Variants in EXOC6B observed in about 807,000 individuals in gnomAD.
The protein encoded by EXOC6B is exocyst complex component 6B.
A neutral mutation model predicts 113.5 loss-of-function variants in EXOC6B; 54 were observed. That is an observed-to-expected ratio of 0.48 (90% CI 0.38 to 0.60). EXOC6B has a LOEUF of 0.60. EXOC6B is among the 20% of genes least tolerant of loss of function. EXOC6B has a pLI of 0.00. For missense variants in EXOC6B, 797 were observed against 977.5 expected (o/e 0.82, Z 2.46); for synonymous variants, 357 against 339.0 (o/e 1.05, Z -0.58).
At chr2:72,243,379 G>A (rs1171994339) in intron 20 of EXOC6B, among the ~76,000 whole-genome samples, 1 of 152,132 alleles carries the variant, frequency 6.6e-6, no homozygotes, top group Admixed American at 6.5e-5. Flanking sequence ...TTAAGAAAAT[G>A]TGGCACATAT....
intron 7 of EXOC6B, among the ~76,000 whole-genome samples, chr2:72,574,755 C>T (rs1254192601): frequency 6.6e-6 from 1 of 152,124 alleles, no homozygotes; most frequent in Non-Finnish European, 1.5e-5. Flanking sequence ...CTCCTAAACA[C>T]CACACTCACA....
chr2:72,240,680 C>A (rs1279317648), intron 20 of EXOC6B, among the ~76,000 whole-genome samples: 1 of 152,046 alleles, frequency 6.6e-6, no homozygotes. Context: ...AGGCACTTAC[C>A]AGACCTCTTA....
intron 6 of EXOC6B, among the ~76,000 whole-genome samples, chr2:72,586,624 T>C (rs967422926): frequency 6.6e-6 from 1 of 151,972 alleles, no homozygotes; most frequent in African/African-American, 2.4e-5. Flanking sequence ...TGGTGGCACA[T>C]GCCTGTAATC....
intron 6 of EXOC6B, among the ~76,000 whole-genome samples, chr2:72,631,231 C>T (rs1672372616): frequency 6.6e-6 from 1 of 150,982 alleles, no homozygotes; most frequent in African/African-American, 2.4e-5. Context: ...TGTGTGTGTA[C>T]ATATATGTAT....
At chr2:72,371,616 C>A (rs1691023798) in intron 19 of EXOC6B, among the ~76,000 whole-genome samples, 1 of 152,106 alleles carries the variant, frequency 6.6e-6, no homozygotes, top group Non-Finnish European at 1.5e-5. Flanking sequence ...TGCTGAAAAG[C>A]ATCTGATAAA....
intron 18 of EXOC6B, among the ~76,000 whole-genome samples, chr2:72,433,854 G>C (rs887768455): frequency 2.6e-5 from 4 of 152,002 alleles, no homozygotes; most frequent in African/African-American, 9.7e-5. Context: ...TGCAAACAAA[G>C]ACAATCTGAC....
intron 6 of EXOC6B, among the ~76,000 whole-genome samples, chr2:72,680,825 A>G (rs1676648627): frequency 6.6e-6 from 1 of 151,990 alleles, no homozygotes; most frequent in Non-Finnish European, 1.5e-5. Flanking sequence ...TTCCATCCCC[A>G]TTTCACCACA....
intron 6 of EXOC6B, among the ~76,000 whole-genome samples, chr2:72,620,512 T>TGTTAAA (rs1671681512): frequency 6.6e-6 from 1 of 151,486 alleles, no homozygotes; most frequent in African/African-American, 2.4e-5. Context: ...TAAATTTAAA[T>TGTTAAA]TTTAAATTTA....
intron 20 of EXOC6B, among the ~76,000 whole-genome samples, chr2:72,330,465 T>C (rs1250070521): frequency 6.6e-6 from 1 of 152,082 alleles, no homozygotes; most frequent in Non-Finnish European, 1.5e-5. Flanking sequence ...TAGATCCTAA[T>C]TAAACTAACA....
chr2:72,694,721 T>C (rs539908490), intron 6 of EXOC6B, among the ~76,000 whole-genome samples: 2 of 152,234 alleles, frequency 1.3e-5, no homozygotes, highest in Non-Finnish European at 2.9e-5. Context: ...GAATCTTGCA[T>C]GTTCCACAGG....
chr2:72,580,419 A>G (rs1286474916), intron 6 of EXOC6B, among the ~76,000 whole-genome samples: 1 of 152,156 alleles, frequency 6.6e-6, no homozygotes, highest in East Asian at 1.9e-4. Flanking sequence ...CTGGGATTAC[A>G]GGTGTGAGCC....
rs1003937369 is a variant in EXOC6B, at chr2:72,184,028, C to G, written c.2309+47G>C. 2.8e-6 allele frequency: 3 copies of G among 1,083,802 alleles called. No individual in the cohort carries two copies. In the African/African-American group the frequency reaches 4.7e-5, roughly 17 times the overall value. 67.1% of individuals were successfully genotyped at this position (1,083,802 alleles called of 1,614,324 possible). The stretch of plus-strand genomic sequence containing the variant: ...ATTATCTTCTACGCCAACCCCCAAT[C>G]CCTGTCTCCCCACCTCCCAACACAG... On this transcript the variant is annotated intron_variant, in intron 21 of 21. Transcript: ENST00000272427.
intron 2 of EXOC6B, among the ~76,000 whole-genome samples, chr2:72,741,092 A>G (rs1468223652): frequency 1.3e-5 from 2 of 151,622 alleles, no homozygotes; most frequent in African/African-American, 4.8e-5. Flanking sequence ...CGACAGAGCG[A>G]GACTCCGCCT....
chr2:72,214,839 T>G (rs1360407593), intron 20 of EXOC6B, among the ~76,000 whole-genome samples: 1 of 152,240 alleles, frequency 6.6e-6, no homozygotes, highest in Non-Finnish European at 1.5e-5. Flanking sequence ...GCTATGTTTT[T>G]GCATGCGAAA....
intron 6 of EXOC6B, among the ~76,000 whole-genome samples, chr2:72,713,939 T>G (rs894160999): frequency 2.6e-5 from 4 of 152,184 alleles, no homozygotes; most frequent in African/African-American, 9.6e-5. Flanking sequence ...TTTGCAGTGA[T>G]TGACCTCTGG....
intron 18 of EXOC6B, among the ~76,000 whole-genome samples, chr2:72,417,668 CAAAT>C (rs1694609727): frequency 6.6e-6 from 1 of 152,058 alleles, no homozygotes; most frequent in Non-Finnish European, 1.5e-5. Context: ...ATTTTTAAGA[CAAAT>C]AGATTTTGTA....
intron 6 of EXOC6B, among the ~76,000 whole-genome samples, chr2:72,649,341 T>TA (rs1449227848): frequency 2.0e-5 from 3 of 152,090 alleles, no homozygotes; most frequent in African/African-American, 7.2e-5. Flanking sequence ...CATTTAAAAA[T>TA]AACTAAAAGA....
chr2:72,186,323 T>C (rs923300068), intron 20 of EXOC6B, among the ~76,000 whole-genome samples: 4 of 152,232 alleles, frequency 2.6e-5, no homozygotes, highest in Non-Finnish European at 5.9e-5. Context: ...TGCCACACTG[T>C]AGCATCAGCA....
intron 17 of EXOC6B, among the ~76,000 whole-genome samples, chr2:72,465,648 T>G (rs188210701): frequency 3.8e-4 from 58 of 152,248 alleles, no homozygotes; most frequent in African/African-American, 1.3e-3. Context: ...AGAAGTATGG[T>G]GAGATTAATA....
Sources: allele counts gnomAD v4.1 joint callset (sites outside exome capture counted in the v4.1 genomes callset), GRCh38; gene constraint gnomAD v4.1.1; transcripts MANE v1.5; gene names NCBI Gene and HGNC (gene_info 2026-07-23, HGNC 2026-07-21).